NARF: variants seen among roughly 807,000 people sequenced by gnomAD.
NARF encodes iron-only hydrogenase-like protein 2.
A neutral mutation model predicts 48.0 loss-of-function variants in NARF; 41 were observed. The observed-to-expected ratio is 0.85, with a 90% CI of 0.66 to 1.11. The LOEUF is 1.11. Ranked by LOEUF, NARF falls within the 50% of genes least tolerant of loss-of-function variation. The pLI, the probability that NARF is intolerant of heterozygous loss-of-function variation, is 0.00. For missense variants in NARF, 613 were observed against 590.2 expected (o/e 1.04, Z -0.40); for synonymous variants, 215 against 225.5 (o/e 0.95, Z 0.42).
In NARF at chr17:82,484,892, C is replaced by T; in HGVS notation, c.913C>T (p.His305Tyr). The part of the protein sequence containing the change: ...SDGHLAHIFR[H>Y]AAKELFNEDV... ...CGGGCACCTGGCACACATCTTCAGA[C>T]ATGCGGCCAAGGAGCTGTTCAACGA... Residue 305 changes from histidine to tyrosine, a missense_variant, in exon 9 of 11, where the codon CAT (histidine) becomes TAT (tyrosine). By Grantham distance (83) the His-to-Tyr change is moderately conservative (BLOSUM62 2). Transcript: ENST00000309794. 1 of 1,613,546 alleles carries T rather than the reference C, an allele frequency of 6.2e-7. No homozygotes were observed. Among genetic ancestry groups the T allele is most frequent in the African/African-American group, 1.3e-5 (1 of 75,014 alleles).
intron 3 of NARF, among the ~76,000 whole-genome samples, chr17:82,466,578 A>G (rs1191832041): frequency 6.6e-6 from 1 of 151,890 alleles, no homozygotes; most frequent in East Asian, 1.9e-4. Flanking sequence ...TCAGCCTCTC[A>G]AGTAGCTAGA....
Position 82,483,721 on chromosome 17 carries a change from A to T in NARF, c.775A>T (p.Ile259Phe). 2 of 1,613,780 alleles carry T rather than the reference A, an allele frequency of 1.2e-6. No individual in the cohort carries two copies. Among genetic ancestry groups the T allele is most frequent in the Non-Finnish European group, 1.7e-6 (2 of 1,179,874 alleles). Reference protein sequence around the residue: ...GADCVLTSGEIAQIMEQGDLS... With the variant: ...GADCVLTSGEFAQIMEQGDLS... The stretch of plus-strand genomic sequence containing the variant: ...CTTACTTCGTTTGTCTGCAGGTGAA[A>T]TTGCTCAAATAATGGAGCAAGGTGA... The change falls in exon 8 of 11, where the codon ATT (isoleucine) becomes TTT (phenylalanine). Residue 259 changes from isoleucine (I) to phenylalanine (F), a missense_variant. Coordinates refer to ENST00000309794, the MANE Select transcript of NARF (RefSeq NM_012336.4).
chr17:82,464,263 A>C, intron 2 of NARF, 24 bp from the exon 3 acceptor site: 3 of 1,609,366 alleles, frequency 1.9e-6, no homozygotes, highest in Non-Finnish European at 2.5e-6. Flanking sequence ...TTGAATAATC[A>C]TGCTGAAACG....
At chr17:82,462,140 T>C (rs1441146706) in intron 2 of NARF, among the ~76,000 whole-genome samples, 1 of 152,158 alleles carries the variant, frequency 6.6e-6, no homozygotes, top group Non-Finnish European at 1.5e-5. Flanking sequence ...TGAGATAACG[T>C]GTGTACACAG....
At chr17:82,459,096 G>A (rs1312322942) in intron 1 of NARF, 2 of 1,188,922 alleles carry the variant, frequency 1.7e-6, no homozygotes, top group African/African-American at 1.6e-5. Context: ...CGGAGACCGA[G>A]CCTCTCGTGC....
rs1343851843 is a variant in NARF at position 82,467,385 on chromosome 17, C to T, written c.253-1379C>T. On this transcript the variant is annotated intron_variant, in intron 3 of 10. Transcript: ENST00000309794. ...TCTGAACCTGTCTTCTATTGCGCTGCCAACATCTAGTTTATGCTAGTTTAT... is the reference window on the plus strand; with the variant it reads ...TCTGAACCTGTCTTCTATTGCGCTGTCAACATCTAGTTTATGCTAGTTTAT... 2.0e-5 allele frequency among the ~76,000 whole-genome samples: 3 copies of T among 152,154 alleles called. No homozygotes were observed. The South Asian group carries it at 6.2e-4, about 31-fold the overall frequency.
chr17:82,466,580 G>A lies in NARF; in HGVS notation c.252+2150G>A, dbSNP rs78399731. Among the ~76,000 whole-genome samples, 53 of 152,100 alleles carry A rather than the reference G, an allele frequency of 3.5e-4. 1 individual carries two copies. Among genetic ancestry groups the A allele is most frequent in the African/African-American group, 1.1e-3 (45 of 41,462 alleles). ...CAATTCTCCTACCTCAGCCTCTCAA[G>A]TAGCTAGAGTTACAGGCAGGCACCA... On this transcript the variant is annotated intron_variant, in intron 3 of 10. Transcript: ENST00000309794.
chr17:82,467,583 C>A (rs1745337768), intron 3 of NARF, among the ~76,000 whole-genome samples: 1 of 152,150 alleles, frequency 6.6e-6, no homozygotes, highest in African/African-American at 2.4e-5. Context: ...CATTTCACTT[C>A]AACCTCCACC....
chr17:82,487,618 T>G (rs1248769324), intron 10 of NARF, among the ~76,000 whole-genome samples: 3 of 152,110 alleles, frequency 2.0e-5, no homozygotes, highest in Non-Finnish European at 4.4e-5. Flanking sequence ...CACGTCCCCT[T>G]TATTCCTCTC....
intron 4 of NARF, among the ~76,000 whole-genome samples, chr17:82,469,941 A>G (rs66471221): frequency 0.46 from 68,904 of 151,426 alleles, 17,102 homozygotes; most frequent in East Asian, 0.9. Flanking sequence ...TTTAAAAATT[A>G]TAAATATTGG....
At position 82,468,871 on chromosome 17, in the gene NARF, ACT is replaced by A. The variant is rs1361308395; in HGVS notation, c.363_364del (p.Cys122TrpfsTer13). The A allele has an allele frequency of 5.6e-6, 9 of 1,612,996 alleles. No homozygotes were observed. The highest frequency in any genetic ancestry group is 2.2e-5 in the East Asian group (1 of 44,848). ...TCAGTGTAACTGATGCATCCAGAAGACTCTGTGGTTTCCTCAAAAGTCTTGGT... is the reference window on the plus strand; with the variant it reads ...TCAGTGTAACTGATGCATCCAGAAGACTGTGGTTTCCTCAAAAGTCTTGGT... ...NLSVTDASRR[L>X]CGFLKSLGVH... is the part of the protein sequence containing the mutation. On this transcript the variant is annotated frameshift_variant, in exon 4 of 11. Transcript: ENST00000309794. LOFTEE classifies it high-confidence loss of function.
intron 3 of NARF, among the ~76,000 whole-genome samples, chr17:82,465,452 G>C (rs552451209): frequency 6.6e-6 from 1 of 152,316 alleles, no homozygotes; most frequent in African/African-American, 2.4e-5. Flanking sequence ...GCTAGAGCAA[G>C]GTAGGGGCCT....
At chr17:82,472,803 C>T in intron 5 of NARF, 105 bp downstream of exon 5, 1 of 1,387,646 alleles carries the variant, frequency 7.2e-7, no homozygotes, top group South Asian at 1.5e-5. Context: ...CCATCCCACC[C>T]AGCCTTGTAG....
At chr17:82,481,320 T>C (rs2043960408) in intron 7 of NARF, 109 bp downstream of exon 7, 5 of 1,504,060 alleles carry the variant, frequency 3.3e-6, no homozygotes, top group Admixed American at 1.9e-5. Context: ...TGCCTGCCAA[T>C]GTGGTCGCTT....
chr17:82,468,268 G>A (rs555292236), intron 3 of NARF, among the ~76,000 whole-genome samples: 17 of 151,578 alleles, frequency 1.1e-4, no homozygotes, highest in Admixed American at 6.6e-4. Flanking sequence ...CTGAGATCGC[G>A]CCACTGTACT....
At chr17:82,459,269 C>G in intron 1 of NARF, 1 of 839,094 alleles carries the variant, frequency 1.2e-6, no homozygotes, top group Non-Finnish European at 1.4e-6. Context: ...CCGCGGTTGT[C>G]TCCAGGCCAT....
At chr17:82,458,573 CT>C (rs1224600076), upstream of NARF, 5 of 503,784 alleles carry the variant, frequency 9.9e-6, no homozygotes, top group Non-Finnish European at 1.6e-5. Context: ...TGGCCCGCCC[CT>C]TCCCGACACT....
intron 6 of NARF, 133 bp from the exon 7 acceptor site, chr17:82,480,949 A>T (rs2043949405): frequency 1.1e-5 from 10 of 928,908 alleles, no homozygotes; most frequent in Non-Finnish European, 1.4e-5. Context: ...AAAAAAAAAA[A>T]GAGTGCAGCA....
At chr17:82,479,062 T>A (rs2043901921) in intron 6 of NARF, 144 bp downstream of exon 6, 7 of 649,176 alleles carry the variant, frequency 1.1e-5, no homozygotes, top group Non-Finnish European at 1.6e-5. Context: ...TCAGGAAACA[T>A]CAGCAGTGCT....
Sources: allele counts gnomAD v4.1 joint callset (sites outside exome capture counted in the v4.1 genomes callset), GRCh38; gene constraint gnomAD v4.1.1; transcripts MANE v1.5; gene names NCBI Gene and HGNC (gene_info 2026-07-23, HGNC 2026-07-21).